PCDH7: variants seen among roughly 807,000 people sequenced by gnomAD.
PCDH7 encodes the protein protocadherin-7.
In PCDH7, 17 loss-of-function variants were observed where a neutral mutation model predicts 58.9. The observed-to-expected ratio is 0.29, with a 90% CI of 0.20 to 0.43. The LOEUF is 0.43. PCDH7 is among the 20% of genes least tolerant of loss of function. The probability of loss-of-function intolerance (pLI) is 1.00; values close to 1 mark genes in which losing one functional copy is unlikely to be tolerated. For missense variants in PCDH7, 1,274 were observed against 1,441.0 expected, an observed-to-expected ratio of 0.88 and a Z score of 1.88; for synonymous variants, 664 against 616.4, an observed-to-expected ratio of 1.08 and a Z score of -1.14.
At chr4:30,763,287 T>C (rs1290759095) in intron 1 of PCDH7, among the ~76,000 whole-genome samples, 1 of 152,222 alleles carries the variant, frequency 6.6e-6, no homozygotes, top group Non-Finnish European at 1.5e-5. Flanking sequence ...AAATCTTTAT[T>C]TTCTAATTCT....
intron 3 of PCDH7, among the ~76,000 whole-genome samples, chr4:31,118,870 A>G (rs1409725363): frequency 1.3e-5 from 2 of 152,174 alleles, no homozygotes; most frequent in African/African-American, 2.4e-5. Context: ...AAAGGAAAAG[A>G]AAGGAAAAAA....
chr4:30,790,030 C>T (rs1019299142), intron 1 of PCDH7, among the ~76,000 whole-genome samples: 14 of 152,156 alleles, frequency 9.2e-5, no homozygotes, highest in African/African-American at 3.1e-4. Flanking sequence ...GATTTGGACT[C>T]GCATGAATAA....
chr4:30,803,394 A>G (rs1361034426), intron 1 of PCDH7, among the ~76,000 whole-genome samples: 1 of 152,198 alleles, frequency 6.6e-6, no homozygotes, highest in Non-Finnish European at 1.5e-5. Flanking sequence ...AACAATAGAA[A>G]CAACAAAAGC....
At chr4:30,982,030 T>C (rs6846615) in intron 3 of PCDH7, among the ~76,000 whole-genome samples, 33,094 of 152,092 alleles carry the variant, frequency 0.22, 3,744 homozygotes, top group African/African-American at 0.27. Flanking sequence ...ATGTATCGTG[T>C]TCTTGAAAAT....
chr4:30,904,468 G>C (rs753177615), intron 1 of PCDH7, among the ~76,000 whole-genome samples: 1 of 152,052 alleles, frequency 6.6e-6, no homozygotes, highest in Non-Finnish European at 1.5e-5. Context: ...GGCCCACCCA[G>C]ATGATTCAAT....
intron 1 of PCDH7, among the ~76,000 whole-genome samples, chr4:30,905,466 AAAAC>A (rs1740798394): frequency 1.3e-5 from 1 of 75,928 alleles, no homozygotes; most frequent in African/African-American, 6.6e-5. Context: ...GAGAAAATGA[AAAAC>A]AAAAAAAAAC....
At chr4:30,821,802 A>G (rs79475751) in intron 1 of PCDH7, among the ~76,000 whole-genome samples, 2 of 152,274 alleles carry the variant, frequency 1.3e-5, no homozygotes, top group African/African-American at 2.4e-5. Flanking sequence ...TTTAAACTCA[A>G]ACCCATCCTT....
chr4:31,134,309 A>G (rs1719333366), intron 3 of PCDH7, among the ~76,000 whole-genome samples: 1 of 152,082 alleles, frequency 6.6e-6, no homozygotes, highest in East Asian at 2.0e-4. Context: ...AAAACACACA[A>G]ATTAGCTGGG....
downstream of PCDH7, chr4:31,146,018 A>T (rs1720650487): frequency 6.6e-6 from 1 of 152,082 alleles, no homozygotes; most frequent in Admixed American, 6.6e-5. Flanking sequence ...TATGTGTATT[A>T]AAACGTCTGT....
intron 1 of PCDH7, among the ~76,000 whole-genome samples, chr4:30,776,783 T>A (rs920905073): frequency 2.6e-5 from 4 of 152,054 alleles, no homozygotes; most frequent in Admixed American, 6.6e-5. Flanking sequence ...ACCTACAGGC[T>A]TAACACCATT....
chr4:31,006,677 G>C (rs571234249), intron 3 of PCDH7, among the ~76,000 whole-genome samples: 1 of 152,008 alleles, frequency 6.6e-6, no homozygotes, highest in African/African-American at 2.4e-5. Context: ...CGGATTACCT[G>C]AGGTCAGGAG....
chr4:31,076,894 TG>T (rs2109261239), intron 3 of PCDH7, among the ~76,000 whole-genome samples: 1 of 152,326 alleles, frequency 6.6e-6, no homozygotes, highest in South Asian at 2.1e-4. Flanking sequence ...AAGGGGATTT[TG>T]TAATCCTCAT....
At chr4:30,793,834 CA>C (rs1436434540) in intron 1 of PCDH7, 1 of 152,058 alleles carries the variant, frequency 6.6e-6, no homozygotes, top group Non-Finnish European at 1.5e-5. Flanking sequence ...ATTTTGGGAA[CA>C]AACATAGAAG....
At chr4:31,074,649 T>A (rs1384400603) in intron 3 of PCDH7, among the ~76,000 whole-genome samples, 3 of 151,592 alleles carry the variant, frequency 2.0e-5, no homozygotes, top group Non-Finnish European at 4.4e-5. Context: ...CCAGGCATGG[T>A]GGCACATGCT....
At chr4:31,054,408 A>G (rs1332066922) in intron 3 of PCDH7, among the ~76,000 whole-genome samples, 1 of 152,220 alleles carries the variant, frequency 6.6e-6, no homozygotes, top group Non-Finnish European at 1.5e-5. Context: ...AAAAGGGTTG[A>G]TGATTATTAA....
intron 1 of PCDH7, among the ~76,000 whole-genome samples, chr4:30,860,226 C>T (rs190738197): frequency 1.3e-5 from 2 of 152,202 alleles, no homozygotes; most frequent in African/African-American, 2.4e-5. Context: ...AGGTCTCTCT[C>T]TGCCTTCAAA....
intron 3 of PCDH7, among the ~76,000 whole-genome samples, chr4:31,038,235 T>G (rs1755571155): frequency 6.6e-6 from 1 of 152,232 alleles, no homozygotes; most frequent in Admixed American, 6.5e-5. Flanking sequence ...TGTTTAAGAT[T>G]TATCAGTACC....
At chr4:30,753,270 TA>T (rs1718816459) in intron 1 of PCDH7, among the ~76,000 whole-genome samples, 1 of 152,186 alleles carries the variant, frequency 6.6e-6, no homozygotes, top group South Asian at 2.1e-4. Flanking sequence ...TCTCTAACTG[TA>T]AAAAGAGAGA....
At chr4:30,977,548 C>G (rs367842777) in intron 3 of PCDH7, among the ~76,000 whole-genome samples, 5 of 152,232 alleles carry the variant, frequency 3.3e-5, no homozygotes, top group South Asian at 2.1e-4. Context: ...CCTCCCATCT[C>G]TAGGAGGAAA....
Sources: gnomAD v4.1 joint callset for allele counts (sites outside exome capture counted in the v4.1 genomes callset) on GRCh38, gnomAD v4.1.1 for gene constraint, MANE v1.5 for transcripts, NCBI Gene and HGNC (gene_info 2026-07-23, HGNC 2026-07-21) for gene names.